The following DOCK1 variants were observed in gnomAD, a reference collection of about 807,000 sequenced individuals.
DOCK1 encodes the protein dedicator of cytokinesis 1, also known as dedicator of cytokinesis protein 1.
Under a neutral mutation model 262.7 loss-of-function variants are expected in DOCK1, and 138 were observed. The observed-to-expected ratio is 0.53, with a 90% CI of 0.46 to 0.61. The LOEUF (loss-of-function observed/expected upper bound fraction) is 0.61. Ranked by LOEUF, DOCK1 falls within the 20% of genes least tolerant of loss-of-function variation. The pLI is 0.00. For synonymous variants in DOCK1, 866 were observed against 867.4 expected, an observed-to-expected ratio of 1.00 and a Z score of 0.03; for missense variants, 1,908 against 2,370.7, an observed-to-expected ratio of 0.80 and a Z score of 4.05.
At chr10:127,006,179 C>T (rs1039960105) in intron 10 of DOCK1, among the ~76,000 whole-genome samples, 2 of 152,150 alleles carry the variant, frequency 1.3e-5, no homozygotes, top group South Asian at 2.1e-4. Context: ...GTCCATCTGC[C>T]GTGAGCAAGT....
chr10:127,072,550 G>A lies in DOCK1; in HGVS notation c.2445+10774G>A, dbSNP rs572653732. ...ATTGGAAGTAGTTTAGGGGTTCAAA[G>A]AAGGTGCTGATACAAAGGTAGTCAC... On this transcript the variant is annotated intron_variant, in intron 23 of 51. Coordinates refer to ENST00000623213, the MANE Select transcript of DOCK1 (RefSeq NM_001290223.2). Among the ~76,000 whole-genome samples, 35 of 152,348 alleles carry A rather than the reference G, an allele frequency of 2.3e-4. No individual in the cohort carries two copies. In the South Asian group the frequency reaches 4.6e-3, roughly 20 times the overall value.
chr10:127,084,076 T>C (rs1331200092), intron 23 of DOCK1, among the ~76,000 whole-genome samples: 1 of 152,242 alleles, frequency 6.6e-6, no homozygotes, highest in African/African-American at 2.4e-5. Context: ...TAAAGAATTG[T>C]TATTTTTTTA....
chr10:127,251,452 A>G (rs2059639192), intron 28 of DOCK1, among the ~76,000 whole-genome samples: 1 of 151,448 alleles, frequency 6.6e-6, no homozygotes, highest in African/African-American at 2.4e-5. Context: ...ACATATGTAT[A>G]CATGTGCCAT....
chr10:127,409,136 A>C lies in DOCK1; in HGVS notation c.4222A>C (p.Thr1408Pro), dbSNP rs1395598829. ...QFPNAEKMKTTSPPGDDIKNS... is the reference protein window; with the variant it reads ...QFPNAEKMKTPSPPGDDIKNS... ...TCCAAACGCCGAGAAAATGAAGACAACATCTCCACCAGGCGACGATATTAA... is the reference window on the plus strand; with the variant it reads ...TCCAAACGCCGAGAAAATGAAGACACCATCTCCACCAGGCGACGATATTAA... Residue 1408 changes from threonine to proline, a missense_variant, in exon 41 of 52, where the codon ACA (threonine) becomes CCA (proline). This residue lies in a region of DOCK1 where 267 missense variants were observed against 366.3 expected (regional missense o/e 0.73). Coordinates refer to ENST00000623213, the MANE Select transcript of DOCK1 (RefSeq NM_001290223.2). 1.2e-6 allele frequency: 2 copies of C among 1,612,664 alleles called. No homozygotes were observed. The highest frequency in any genetic ancestry group is 2.7e-5 in the African/African-American group (2 of 75,016).
In DOCK1 at chr10:127,127,715, G is replaced by A. The variant is rs1260759936; in HGVS notation, c.2798G>A (p.Arg933Gln). 1.9e-6 allele frequency: 3 copies of A among 1,613,038 alleles called. No homozygotes were observed. Among genetic ancestry groups the A allele is most frequent in the African/African-American group, 1.3e-5 (1 of 75,022 alleles). Residue 933 changes from arginine to glutamine, a missense_variant, in exon 27 of 52, where the codon CGG (arginine) becomes CAG (glutamine). Transcript: ENST00000623213. The part of the protein sequence containing the change: ...HVQIIMEKLL[R>Q]TVNRTVISMG... The stretch of plus-strand genomic sequence containing the variant: ...CAGATTATCATGGAGAAACTTCTCC[G>A]GACCGTGAACCGAACCGTCATTTCC...
chr10:126,942,546 A>T (rs1278152646), intron 1 of DOCK1, among the ~76,000 whole-genome samples: 1 of 152,186 alleles, frequency 6.6e-6, no homozygotes, highest in Admixed American at 6.5e-5. Context: ...GAATGGATGG[A>T]GCTGCTCCTT....
At chr10:126,913,785 T>C (rs753744070) in intron 1 of DOCK1, among the ~76,000 whole-genome samples, 3 of 152,162 alleles carry the variant, frequency 2.0e-5, no homozygotes, top group Non-Finnish European at 4.4e-5. Context: ...AAAAGATGCT[T>C]TCTCTTGGCA....
rs536880494 is a variant in DOCK1, at chr10:126,915,488, G to T, written c.46+9925G>T. On this transcript the variant is annotated intron_variant, in intron 1 of 51. Transcript: ENST00000623213. ...GGCTGGAGTGCAGGGGCACAATCTT[G>T]GCCCACTGCAACCTCCGCCTCCTGG... 2.0e-5 allele frequency among the ~76,000 whole-genome samples: 3 copies of T among 152,034 alleles called. No homozygotes were observed. In the East Asian group the frequency reaches 5.8e-4, roughly 29 times the overall value.
intron 29 of DOCK1, among the ~76,000 whole-genome samples, chr10:127,324,320 T>C (rs1488925781): frequency 6.6e-6 from 1 of 152,226 alleles, no homozygotes; most frequent in East Asian, 1.9e-4. Flanking sequence ...ATCTCAGGCT[T>C]GCCATTAGTC....
intron 29 of DOCK1, among the ~76,000 whole-genome samples, chr10:127,305,889 A>T (rs928073897): frequency 6.6e-6 from 1 of 152,162 alleles, no homozygotes; most frequent in African/African-American, 2.4e-5. Context: ...CATGCCCCTT[A>T]GTCTGCTGGG....
intron 27 of DOCK1, among the ~76,000 whole-genome samples, chr10:127,147,659 AAC>A (rs2052019877): frequency 6.6e-6 from 1 of 151,932 alleles, no homozygotes; most frequent in Non-Finnish European, 1.5e-5. Flanking sequence ...TCCCTTGAAA[AAC>A]ACCTGTTCAA....
rs1335232983 is a variant in DOCK1, at chr10:126,970,635, A to G, written c.47-67A>G. On this transcript the variant is annotated intron_variant, in intron 1 of 51. Transcript: ENST00000623213. ...AAAAACAACAACATTAAAACAAGCC[A>G]ACACGACTCAGCATGGTCACTTCTA... is the stretch of plus-strand genomic sequence containing the variant. The G allele has an allele frequency of 3.1e-6, 4 of 1,284,958 alleles. No individual in the cohort carries two copies. In the East Asian group the frequency reaches 9.5e-5, roughly 30 times the overall value. The allele number at this position is 1,284,958 out of a possible 1,614,324, so 79.6% of individuals were successfully genotyped here. A position where few individuals can be genotyped will look rare whatever the true frequency, so the allele number is the denominator to read the frequency against.
At chr10:127,219,523 T>A (rs903684951) in intron 27 of DOCK1, among the ~76,000 whole-genome samples, 4 of 152,224 alleles carry the variant, frequency 2.6e-5, no homozygotes, top group African/African-American at 9.6e-5. Context: ...TTTGCCATTT[T>A]AAGTGTACAG....
At chr10:127,246,217 G>A (rs897443606) in intron 27 of DOCK1, among the ~76,000 whole-genome samples, 5 of 152,200 alleles carry the variant, frequency 3.3e-5, no homozygotes, top group South Asian at 2.1e-4. Context: ...CAGCCAGTAA[G>A]TACCTGTCTT....
chr10:127,022,837 G>C (rs578201994), intron 13 of DOCK1, among the ~76,000 whole-genome samples: 1 of 152,180 alleles, frequency 6.6e-6, no homozygotes, highest in Admixed American at 6.5e-5. Flanking sequence ...TCAGACAGCC[G>C]TAGCCAGCCG....
chr10:127,037,848 CTTTTTTTT>C (rs56038046), intron 19 of DOCK1, 32 bp downstream of exon 19: 3 of 1,047,178 alleles, frequency 2.9e-6, no homozygotes, highest in Middle Eastern at 2.8e-4. Context: ...CTTTTTGGGT[CTTTTTTTT>C]TTTTTTTTTT....
At chr10:127,432,434 G>A (rs530808171) in intron 47 of DOCK1, among the ~76,000 whole-genome samples, 16 of 151,916 alleles carry the variant, frequency 1.1e-4, no homozygotes, top group Non-Finnish European at 1.9e-4. Context: ...GGGGTTGCAG[G>A]GTGGGGAAGT....
intron 23 of DOCK1, among the ~76,000 whole-genome samples, chr10:127,089,574 T>C (rs1014987112): frequency 1.3e-5 from 2 of 152,116 alleles, no homozygotes; most frequent in African/African-American, 4.8e-5. Context: ...GGAAAGAGCC[T>C]CCCTCCCCCA....
intron 1 of DOCK1, among the ~76,000 whole-genome samples, chr10:126,944,869 C>T (rs2035276643): frequency 6.6e-6 from 1 of 152,120 alleles, no homozygotes; most frequent in South Asian, 2.1e-4. Context: ...GACTGATCCT[C>T]TCTCTGTCAC....
Sources: gnomAD v4.1 joint callset for allele counts (sites outside exome capture counted in the v4.1 genomes callset) on GRCh38, gnomAD v4.1.1 for gene constraint, gnomAD v4.1.1 regional missense constraint, MANE v1.5 for transcripts, NCBI Gene and HGNC (gene_info 2026-07-23, HGNC 2026-07-21) for gene names.